The following ETV6 variants were observed in gnomAD, a reference collection of about 807,000 sequenced individuals.
The protein encoded by ETV6 is transcription factor ETV6.
In ETV6, 16 loss-of-function variants were observed where a neutral mutation model predicts 51.1. The observed-to-expected ratio is 0.31, with a 90% CI of 0.21 to 0.48. ETV6 has a LOEUF of 0.48. Ranked by LOEUF, ETV6 falls within the 20% of genes least tolerant of loss-of-function variation. The probability of loss-of-function intolerance (pLI) is 0.99; values close to 1 mark genes in which losing one functional copy is unlikely to be tolerated. For missense variants in ETV6, 458 were observed against 594.8 expected (o/e 0.77, Z 2.39); for synonymous variants, 240 against 224.1 (o/e 1.07, Z -0.64).
At chr12:11,728,804 C>T (rs575034973) in intron 1 of ETV6, among the ~76,000 whole-genome samples, 33 of 152,194 alleles carry the variant, frequency 2.2e-4, no homozygotes, top group Non-Finnish European at 4.0e-4. Flanking sequence ...CTTTATTGTT[C>T]ATTAAATGTT....
intron 2 of ETV6, among the ~76,000 whole-genome samples, chr12:11,783,577 A>G (rs1945440847): frequency 6.6e-6 from 1 of 152,218 alleles, no homozygotes; most frequent in Non-Finnish European, 1.5e-5. Context: ...GTATTTAGCC[A>G]TGTAGAATTG....
At chr12:11,684,742 C>T (rs982119773) in intron 1 of ETV6, among the ~76,000 whole-genome samples, 2 of 152,148 alleles carry the variant, frequency 1.3e-5, no homozygotes, top group East Asian at 1.9e-4. Context: ...ATAAAGCTAA[C>T]GGTCATGTTT....
intron 1 of ETV6, chr12:11,751,874 T>A (rs1237173062): frequency 2.0e-6 from 1 of 508,122 alleles, no homozygotes; most frequent in Non-Finnish European, 3.9e-6. Context: ...ATATTTTTGG[T>A]TGTGGTGGTT....
chr12:11,837,608 T>A (rs1946334835), intron 2 of ETV6, among the ~76,000 whole-genome samples: 1 of 152,200 alleles, frequency 6.6e-6, no homozygotes, highest in African/African-American at 2.4e-5. Flanking sequence ...ATGCCTGGTT[T>A]AGGATGAAAG....
chr12:11,661,780 T>G (rs1864104953), intron 1 of ETV6, among the ~76,000 whole-genome samples: 1 of 152,194 alleles, frequency 6.6e-6, no homozygotes, highest in African/African-American at 2.4e-5. Flanking sequence ...AAGGCTCCCT[T>G]TCTGAATTTT....
At chr12:11,878,541 C>T (rs1298340875) in intron 5 of ETV6, among the ~76,000 whole-genome samples, 2 of 152,090 alleles carry the variant, frequency 1.3e-5, no homozygotes, top group African/African-American at 2.4e-5. Context: ...AAGCCTTCTC[C>T]ACACCTTATG....
intron 2 of ETV6, among the ~76,000 whole-genome samples, chr12:11,805,781 G>C (rs943374118): frequency 9.9e-5 from 15 of 152,164 alleles, no homozygotes; most frequent in African/African-American, 3.6e-4. Context: ...AGACAGTCAC[G>C]TTAAGGATTT....
intron 5 of ETV6, among the ~76,000 whole-genome samples, chr12:11,878,313 G>A (rs1371482979): frequency 6.6e-6 from 1 of 152,182 alleles, no homozygotes; most frequent in Non-Finnish European, 1.5e-5. Context: ...CATGGTGTCT[G>A]AGTGGAAAAT....
At chr12:11,760,531 G>A (rs1272324724) in intron 2 of ETV6, among the ~76,000 whole-genome samples, 2 of 152,176 alleles carry the variant, frequency 1.3e-5, no homozygotes, top group East Asian at 1.9e-4. Context: ...AGGTTTGTAA[G>A]GGAAGATGTA....
intron 4 of ETV6, among the ~76,000 whole-genome samples, chr12:11,867,104 C>T (rs1350693503): frequency 1.3e-5 from 2 of 152,186 alleles, no homozygotes; most frequent in Non-Finnish European, 2.9e-5. Flanking sequence ...GAGTGAAATC[C>T]TCTCCGGTTT....
intron 1 of ETV6, 50 bp from the exon 2 acceptor site, chr12:11,752,400 C>T: frequency 6.3e-7 from 1 of 1,577,218 alleles, no homozygotes. Flanking sequence ...CCATTCCAAG[C>T]TTTCATTGTC....
chr12:11,764,700 C>T (rs1474457787), intron 2 of ETV6, among the ~76,000 whole-genome samples: 1 of 152,144 alleles, frequency 6.6e-6, no homozygotes, highest in Non-Finnish European at 1.5e-5. Flanking sequence ...GCTACCAGAG[C>T]TGGGTGGCCT....
At chr12:11,736,344 A>G (rs1280139815) in intron 1 of ETV6, among the ~76,000 whole-genome samples, 1 of 152,214 alleles carries the variant, frequency 6.6e-6, no homozygotes, top group Admixed American at 6.5e-5. Context: ...TCTAACTGGG[A>G]GAGAAACATT....
At chr12:11,839,027 T>G in intron 2 of ETV6, 113 bp from the exon 3 acceptor site, 334 of 1,131,892 alleles carry the variant, frequency 3.0e-4, no homozygotes, top group Non-Finnish European at 3.6e-4. Context: ...TAAGGGCTCT[T>G]GAGATGTGGA....
At chr12:11,665,352 C>T (rs1222888043) in intron 1 of ETV6, among the ~76,000 whole-genome samples, 1 of 152,204 alleles carries the variant, frequency 6.6e-6, no homozygotes, top group African/African-American at 2.4e-5. Flanking sequence ...TTCTGCCTGG[C>T]AGCCAATTTG....
intron 2 of ETV6, among the ~76,000 whole-genome samples, chr12:11,795,164 C>T (rs1446181490): frequency 2.0e-5 from 3 of 152,206 alleles, no homozygotes; most frequent in African/African-American, 7.2e-5. Context: ...AAGATTGCTT[C>T]CTTCAAATTG....
At chr12:11,693,047 GTAA>G (rs1409255402) in intron 1 of ETV6, among the ~76,000 whole-genome samples, 1 of 152,086 alleles carries the variant, frequency 6.6e-6, no homozygotes, top group Non-Finnish European at 1.5e-5. Flanking sequence ...TTCAAGAATA[GTAA>G]TAATAATAAA....
At position 11,758,574 on chromosome 12, in the gene ETV6, C is replaced by T. The variant is rs373521360; in HGVS notation, c.163+5995C>T. Among the ~76,000 whole-genome samples the T allele has an allele frequency of 2.5e-4, 38 of 152,318 alleles. 1 individual carries two copies. Among genetic ancestry groups the T allele is most frequent in the African/African-American group, 8.4e-4 (35 of 41,582 alleles). ...GCTCTAGGGCACTCCATCCCAGGAC[C>T]TTTTCCTACCCACATGTCTCTCCCT... is the stretch of plus-strand genomic sequence containing the variant. On this transcript the variant is annotated intron_variant, in intron 2 of 7. Transcript: ENST00000396373.
chr12:11,730,275 G>C (rs561572632), intron 1 of ETV6, among the ~76,000 whole-genome samples: 2 of 152,322 alleles, frequency 1.3e-5, no homozygotes, highest in East Asian at 3.9e-4. Flanking sequence ...ATTGTGGTGA[G>C]AAAACCTTAT....
Sources: allele counts gnomAD v4.1 joint callset (sites outside exome capture counted in the v4.1 genomes callset), GRCh38; gene constraint gnomAD v4.1.1; transcripts MANE v1.5; gene names NCBI Gene and HGNC (gene_info 2026-07-23, HGNC 2026-07-21).